The following SRFBP1 variants were observed in gnomAD, a reference collection of about 807,000 sequenced individuals.
SRFBP1 encodes the protein serum response factor binding protein 1.
In SRFBP1, 47 loss-of-function variants were observed where a neutral mutation model predicts 45.5. The observed-to-expected ratio is 1.03, with a 90% CI of 0.82 to 1.32. The LOEUF (loss-of-function observed/expected upper bound fraction) is 1.32, where lower values mean the gene tolerates loss of function less well. Among genes scored for constraint, SRFBP1 ranks in the 40% most tolerant of loss-of-function variants. The probability of loss-of-function intolerance (pLI) is 0.00; values close to 1 mark genes in which losing one functional copy is unlikely to be tolerated. For missense variants in SRFBP1, 621 were observed against 484.6 expected (o/e 1.28, Z -2.64); for synonymous variants, 203 against 166.3 (o/e 1.22, Z -1.70).
intron 6 of SRFBP1, among the ~76,000 whole-genome samples, chr5:122,021,540 T>C (rs1224975794): frequency 1.3e-5 from 2 of 152,016 alleles, no homozygotes; most frequent in Non-Finnish European, 2.9e-5. Context: ...GGCAAAGACA[T>C]AAAAACGTGT....
intron 3 of SRFBP1, among the ~76,000 whole-genome samples, chr5:121,990,366 G>A (rs1752594530): frequency 6.6e-6 from 1 of 152,134 alleles, no homozygotes; most frequent in African/African-American, 2.4e-5. Context: ...TTACAAGTAG[G>A]AGCTAATCAT....
intron 4 of SRFBP1, among the ~76,000 whole-genome samples, chr5:122,012,717 T>C (rs965528092): frequency 6.6e-6 from 1 of 152,122 alleles, no homozygotes; most frequent in Non-Finnish European, 1.5e-5. Context: ...TAGGAATGCC[T>C]TGATTAAATA....
chr5:122,020,805 A>G lies in SRFBP1; in HGVS notation c.1067+3A>G, dbSNP rs1470580139. The G allele has an allele frequency of 1.3e-6, 2 of 1,538,926 alleles. No homozygotes were observed. The highest frequency in any genetic ancestry group is 1.7e-6 in the Non-Finnish European group (2 of 1,149,366). ...TCTGGATCTAAAAGCTCTAGAAGGTAAGATTCTTTTTCTATTCTGAAATAA... is the reference window on the plus strand; with the variant it reads ...TCTGGATCTAAAAGCTCTAGAAGGTGAGATTCTTTTTCTATTCTGAAATAA... On this transcript the variant is annotated splice_donor_region_variant and intron_variant, in intron 6 of 7. Coordinates refer to ENST00000339397, the MANE Select transcript of SRFBP1 (RefSeq NM_152546.3).
chr5:121,998,541 G>T (rs1224104469), intron 4 of SRFBP1, among the ~76,000 whole-genome samples: 1 of 144,178 alleles, frequency 6.9e-6, no homozygotes, highest in Admixed American at 6.9e-5. Flanking sequence ...GGGAGGGATA[G>T]CATTGGGAGA....
At chr5:122,036,685 G>A (rs1295296606) in intron 2 of SRFBP1, among the ~76,000 whole-genome samples, 1 of 152,130 alleles carries the variant, frequency 6.6e-6, no homozygotes, top group East Asian at 1.9e-4. Flanking sequence ...TTCCCTGGTT[G>A]ACAACATTAG....
chr5:121,998,633 T>C (rs1248173701), intron 4 of SRFBP1, among the ~76,000 whole-genome samples: 1 of 146,410 alleles, frequency 6.8e-6, no homozygotes, highest in Non-Finnish European at 1.5e-5. Flanking sequence ...ACCTGCACAA[T>C]GTGCACATGT....
rs762906349 is a variant in SRFBP1 at position 122,020,821 on chromosome 5, T to C, written c.1067+19T>C. 1.3e-6 allele frequency: 2 copies of C among 1,507,432 alleles called. No individual in the cohort carries two copies. The highest frequency in any genetic ancestry group is 2.4e-5 in the Admixed American group (1 of 42,418). 93.4% of individuals were successfully genotyped at this position (1,507,432 alleles called of 1,614,324 possible). A position where few individuals can be genotyped will look rare whatever the true frequency, so the allele number is the denominator to read the frequency against. ...CTAGAAGGTAAGATTCTTTTTCTAT[T>C]CTGAAATAATCATTAGTTCTTTTTT... On this transcript the variant is annotated intron_variant, in intron 6 of 7. Coordinates refer to ENST00000339397, the MANE Select transcript of SRFBP1 (RefSeq NM_152546.3).
At chr5:122,012,581 A>T (rs1753118474) in intron 4 of SRFBP1, among the ~76,000 whole-genome samples, 1 of 152,144 alleles carries the variant, frequency 6.6e-6, no homozygotes, top group African/African-American at 2.4e-5. Flanking sequence ...TTTGCAAATT[A>T]CTAACATGTC....
downstream of SRFBP1, chr5:122,077,712 G>A (rs1384606656): frequency 1.3e-6 from 2 of 1,589,622 alleles, no homozygotes; most frequent in African/African-American, 1.3e-5. This position sits in a 1 kb window ranked among gnomAD's most constrained non-coding sequence, Gnocchi z 4.9. Context: ...CGGATCAGCA[G>A]GATCGGAGTG....
chr5:122,066,806 T>C (rs970504987), intron 2 of SRFBP1: 1 of 1,065,098 alleles, frequency 9.4e-7, no homozygotes, highest in Non-Finnish European at 1.5e-6. Context: ...AATGAATGAG[T>C]ACAACAGACA....
intron 4 of SRFBP1, among the ~76,000 whole-genome samples, chr5:122,015,354 T>C (rs1753175042): frequency 6.6e-6 from 1 of 152,206 alleles, no homozygotes; most frequent in South Asian, 2.1e-4. Flanking sequence ...AAGTCTGTCA[T>C]GGTAGTATTT....
intron 1 of SRFBP1, among the ~76,000 whole-genome samples, chr5:121,967,563 G>T (rs1752097989): frequency 6.6e-6 from 1 of 152,172 alleles, no homozygotes; most frequent in African/African-American, 2.4e-5. Flanking sequence ...GCCAGGTGCA[G>T]TGCCTCACTC....
At chr5:122,026,508 G>A (rs1753482831) in intron 7 of SRFBP1, among the ~76,000 whole-genome samples, 1 of 152,178 alleles carries the variant, frequency 6.6e-6, no homozygotes, top group African/African-American at 2.4e-5. Flanking sequence ...TATCAGTATT[G>A]TCAGACTCAG....
intron 2 of SRFBP1, among the ~76,000 whole-genome samples, chr5:122,034,633 A>C (rs373972739): frequency 6.6e-6 from 1 of 152,104 alleles, no homozygotes; most frequent in African/African-American, 2.4e-5. Context: ...TAGCATTATC[A>C]TATAACCTAT....
intron 3 of SRFBP1, among the ~76,000 whole-genome samples, chr5:121,980,309 C>T (rs943346806): frequency 1.3e-5 from 2 of 152,044 alleles, no homozygotes; most frequent in Non-Finnish European, 2.9e-5. Flanking sequence ...CCTTTACTAT[C>T]AGTGTTGAGT....
intron 3 of SRFBP1, among the ~76,000 whole-genome samples, chr5:121,985,706 A>T (rs374376258): frequency 6.6e-6 from 1 of 152,026 alleles, no homozygotes; most frequent in East Asian, 1.9e-4. Flanking sequence ...TTCAACAAGC[A>T]CTTATTGAGC....
chr5:122,077,509 C>A (rs998690460), downstream of SRFBP1: 2 of 1,613,812 alleles, frequency 1.2e-6, no homozygotes, highest in African/African-American at 2.7e-5. This position sits in a 1 kb window ranked among gnomAD's most constrained non-coding sequence, Gnocchi z 4.9. Context: ...CGCGGCTGGG[C>A]GGCCGCAGGT....
intron 2 of SRFBP1, among the ~76,000 whole-genome samples, chr5:122,068,191 A>T (rs1368036249): frequency 6.6e-6 from 1 of 151,312 alleles, no homozygotes; most frequent in Non-Finnish European, 1.5e-5. Context: ...AAAAAAAAAA[A>T]AAAAAATTCA....
chr5:122,075,518 C>T (rs1580565420), exon 3 of SRFBP1: 3 of 1,611,742 alleles, frequency 1.9e-6, no homozygotes, highest in Non-Finnish European at 1.7e-6. Context: ...ATCATAATCT[C>T]TGACATCTGC....
Sources: allele counts gnomAD v4.1 joint callset (sites outside exome capture counted in the v4.1 genomes callset), GRCh38; gene constraint gnomAD v4.1.1; non-coding constraint Gnocchi (gnomAD v3.1); transcripts MANE v1.5; gene names NCBI Gene and HGNC (gene_info 2026-07-23, HGNC 2026-07-21).